Variants in HDLBP observed in about 807,000 individuals in gnomAD.
The protein encoded by HDLBP is high density lipoprotein binding protein.
HDLBP carries 30 observed loss-of-function variants against 137.3 expected under a neutral mutation model. The ratio of observed to expected loss-of-function variants is 0.22; its 90% CI spans 0.16 to 0.30. HDLBP has a LOEUF of 0.30. Among genes scored for constraint, HDLBP ranks in the 10% least tolerant of loss-of-function variants. HDLBP has a pLI of 1.00. For missense variants in HDLBP, 1,119 were observed against 1,667.3 expected (o/e 0.67, Z 5.73); for synonymous variants, 606 against 596.0 (o/e 1.02, Z -0.24).
At chr2:241,285,779 A>G (rs2074784711) in intron 1 of HDLBP, among the ~76,000 whole-genome samples, 1 of 152,262 alleles carries the variant, frequency 6.6e-6, no homozygotes. Context: ...CTATAATCCT[A>G]GCACTTTGGG....
rs760469477 is a variant in HDLBP at position 241,239,644 on chromosome 2, C to T, written c.2568G>A (p.Val856=). The T allele has an allele frequency of 2.5e-6, 4 of 1,614,090 alleles. No individual in the cohort carries two copies. The African/African-American group carries it at 5.3e-5, about 22-fold the overall frequency. Residue 856 remains valine (V), a synonymous_variant, in exon 19 of 28, where the codon GTG becomes GTA. Transcript: ENST00000310931. This position sits in a 1 kb window ranked among gnomAD's most constrained non-coding sequence, Gnocchi z 4.6. ...KVTLKGAKDC[V]EAAKKRIQEI... Reference sequence around the variant, plus strand: ...CCTGAATGCGTTTCTTGGCTGCCTCCACACAGTCCTTGGCGCCCTTGAGGG... The same window carrying T: ...CCTGAATGCGTTTCTTGGCTGCCTCTACACAGTCCTTGGCGCCCTTGAGGG...
chr2:241,295,150 T>C (rs1488294936), intron 1 of HDLBP, among the ~76,000 whole-genome samples: 1 of 152,178 alleles, frequency 6.6e-6, no homozygotes, highest in Admixed American at 6.5e-5. Flanking sequence ...CGACGACCAT[T>C]TCAAAAATGC....
chr2:241,311,799 A>C (rs1358689649), intron 1 of HDLBP, among the ~76,000 whole-genome samples: 1 of 152,214 alleles, frequency 6.6e-6, no homozygotes, highest in South Asian at 2.1e-4. Flanking sequence ...GTCATAATAT[A>C]AACAATCAAT....
chr2:241,261,373 T>C (rs2073164594), intron 5 of HDLBP, among the ~76,000 whole-genome samples: 1 of 152,032 alleles, frequency 6.6e-6, no homozygotes, highest in African/African-American at 2.4e-5. Flanking sequence ...GTTAAAAAGG[T>C]ATAATATTAA....
At chr2:241,234,110 C>CGA in intron 23 of HDLBP, 147 bp from the exon 24 acceptor site, 1 of 817,416 alleles carries the variant, frequency 1.2e-6, no homozygotes, top group Non-Finnish European at 1.9e-6. Context: ...CTCTCTGGTC[C>CGA]GACCTCTGCC....
At chr2:241,304,735 T>G (rs1300906878) in intron 1 of HDLBP, among the ~76,000 whole-genome samples, 1 of 152,212 alleles carries the variant, frequency 6.6e-6, no homozygotes, top group African/African-American at 2.4e-5. Flanking sequence ...TTGGTCCCAC[T>G]CCTGAACTAG....
At position 241,247,897 on chromosome 2, in the gene HDLBP, G is replaced by A. The variant is rs1468765345; in HGVS notation, c.1731+106C>T. ...TGGAAGGCCAGCCCAGGGCCTATGTGCTTTCCCCAGAGCAGGGGTCCTGTG... is the reference window on the plus strand; with the variant it reads ...TGGAAGGCCAGCCCAGGGCCTATGTACTTTCCCCAGAGCAGGGGTCCTGTG... On this transcript the variant is annotated intron_variant, in intron 14 of 27. Transcript: ENST00000310931. The A allele has an allele frequency of 4.0e-6, 3 of 758,046 alleles. No individual in the cohort carries two copies. The Admixed American group carries it at 6.6e-5, about 17-fold the overall frequency. 47.0% of individuals were successfully genotyped at this position (758,046 alleles called of 1,614,324 possible).
intron 20 of HDLBP, 48 bp from the exon 21 acceptor site, chr2:241,236,817 C>T: frequency 6.3e-7 from 1 of 1,592,300 alleles, no homozygotes; most frequent in Non-Finnish European, 8.6e-7. Flanking sequence ...TGGAAGAGAC[C>T]CCACACCTTG....
chr2:241,239,540 C>A lies in HDLBP; in HGVS notation c.2610+62G>T, dbSNP rs1287180138. The A allele has an allele frequency of 2.2e-6, 3 of 1,385,394 alleles. No individual in the cohort carries two copies. The highest frequency in any genetic ancestry group is 4.6e-5 in the East Asian group (2 of 43,918). 85.8% of individuals were successfully genotyped at this position (1,385,394 alleles called of 1,614,324 possible). ...CTACAGGGTGGAGCGAACACTCATA[C>A]ACGGCTTCGGTGAGTGGCCACTGGG... On this transcript the variant is annotated intron_variant, in intron 19 of 27. Coordinates refer to ENST00000310931, the MANE Select transcript of HDLBP (RefSeq NM_005336.6). The surrounding 1 kb of genome is among the most constrained non-coding windows in gnomAD (Gnocchi z 4.6).
intron 5 of HDLBP, among the ~76,000 whole-genome samples, chr2:241,261,748 TG>T (rs1274836770): frequency 6.6e-6 from 1 of 152,254 alleles, no homozygotes; most frequent in Non-Finnish European, 1.5e-5. Flanking sequence ...GGTTGGGGAC[TG>T]TCCCGATGCC....
intron 9 of HDLBP, among the ~76,000 whole-genome samples, chr2:241,254,446 C>T (rs1391165571): frequency 2.0e-5 from 3 of 151,764 alleles, no homozygotes; most frequent in Non-Finnish European, 1.5e-5. Flanking sequence ...TTTAAATTCA[C>T]ACTTAATACA....
At chr2:241,302,741 G>A (rs1003693812) in intron 1 of HDLBP, 1 of 152,214 alleles carries the variant, frequency 6.6e-6, no homozygotes, top group Non-Finnish European at 1.5e-5. Context: ...CCCTTTAGAA[G>A]TGCAGCTCTC....
At chr2:241,267,464 G>T (rs553509493) in intron 2 of HDLBP, 58 of 956,070 alleles carry the variant, frequency 6.1e-5, no homozygotes, top group East Asian at 5.6e-4. Flanking sequence ...CCGCAGGGGT[G>T]GGGGGACCAT....
chr2:241,246,319 G>C (rs1387577727), intron 16 of HDLBP, among the ~76,000 whole-genome samples: 1 of 152,142 alleles, frequency 6.6e-6, no homozygotes, highest in Non-Finnish European at 1.5e-5. Context: ...GATGGAGGGA[G>C]ACTGTAATAC....
intron 1 of HDLBP, among the ~76,000 whole-genome samples, chr2:241,286,621 T>G (rs895314981): frequency 1.3e-5 from 2 of 152,184 alleles, no homozygotes; most frequent in African/African-American, 2.4e-5. Context: ...CAGACTGTGC[T>G]CTGCCCACCT....
intron 11 of HDLBP, among the ~76,000 whole-genome samples, chr2:241,252,676 C>A (rs1304637843): frequency 6.6e-6 from 1 of 152,210 alleles, no homozygotes; most frequent in African/African-American, 2.4e-5. Context: ...CTTGGGCATG[C>A]CTTCAACATG....
At chr2:241,311,520 G>C (rs2075757832) in intron 1 of HDLBP, among the ~76,000 whole-genome samples, 4 of 152,226 alleles carry the variant, frequency 2.6e-5, no homozygotes, top group Admixed American at 6.5e-5. Flanking sequence ...GCCTGCAGCA[G>C]ATTGGAGGCG....
Position 241,233,783 on chromosome 2 carries a change from A to C in HDLBP, c.3288+37T>G, listed in dbSNP as rs1574842434. 6.2e-7 allele frequency: 1 copy of C among 1,612,426 alleles called. No individual in the cohort carries two copies. Among genetic ancestry groups the C allele is most frequent in the African/African-American group, 1.3e-5 (1 of 74,864 alleles). ...CAAGTCACAGGAAAGGTCAACAAGCACCTCTGCCCCCGACACGCTCCAACC... is the reference window on the plus strand; with the variant it reads ...CAAGTCACAGGAAAGGTCAACAAGCCCCTCTGCCCCCGACACGCTCCAACC... On this transcript the variant is annotated intron_variant, in intron 24 of 27. Transcript: ENST00000310931. This position sits in a 1 kb window ranked among gnomAD's most constrained non-coding sequence, Gnocchi z 4.3.
intron 1 of HDLBP, among the ~76,000 whole-genome samples, chr2:241,314,276 C>T (rs1233027025): frequency 6.6e-6 from 1 of 152,166 alleles, no homozygotes; most frequent in Non-Finnish European, 1.5e-5. Context: ...CTAAGCACTA[C>T]GTTTCATCCA....
Sources: allele counts gnomAD v4.1 joint callset (sites outside exome capture counted in the v4.1 genomes callset), GRCh38; gene constraint gnomAD v4.1.1; non-coding constraint Gnocchi (gnomAD v3.1); transcripts MANE v1.5; gene names NCBI Gene and HGNC (gene_info 2026-07-23, HGNC 2026-07-21).